FNDC3A: variants seen among roughly 807,000 people sequenced by gnomAD.
The protein encoded by FNDC3A is fibronectin type III domain containing 3A.
FNDC3A carries 32 observed loss-of-function variants against 148.9 expected under a neutral mutation model. The ratio of observed to expected loss-of-function variants is 0.21; its 90% confidence interval spans 0.16 to 0.29. FNDC3A has a LOEUF of 0.29. FNDC3A is among the 10% of genes least tolerant of loss of function. The pLI, the probability that FNDC3A is intolerant of heterozygous loss-of-function variation, is 1.00. For missense variants in FNDC3A, 1,191 were observed against 1,452.8 expected, an observed-to-expected ratio of 0.82 and a Z score of 2.93; for synonymous variants, 472 against 473.6, an observed-to-expected ratio of 1.00 and a Z score of 0.04.
At chr13:49,149,750 A>G (rs573254161) in intron 8 of FNDC3A, among the ~76,000 whole-genome samples, 1 of 152,262 alleles carries the variant, frequency 6.6e-6, no homozygotes, top group South Asian at 2.1e-4. Context: ...TGTTTTTGGA[A>G]TAGTTTGAGG....
intron 2 of FNDC3A, chr13:49,045,693 C>T: frequency 2.6e-6 from 3 of 1,152,256 alleles, no homozygotes; most frequent in South Asian, 2.9e-5. Context: ...AACAACTTTG[C>T]CACCAATAGC....
chr13:49,147,667 CTT>C (rs1199413968), intron 8 of FNDC3A, among the ~76,000 whole-genome samples: 1 of 152,030 alleles, frequency 6.6e-6, no homozygotes, highest in African/African-American at 2.4e-5. Context: ...TATTTTTGCT[CTT>C]GTCAATAGTG....
chr13:49,055,853 C>T (rs942147279), intron 2 of FNDC3A, among the ~76,000 whole-genome samples: 9 of 152,002 alleles, frequency 5.9e-5, no homozygotes, highest in African/African-American at 2.2e-4. Context: ...TGTCATGGGC[C>T]ACTAGTTACT....
At chr13:49,101,026 CAGGTTGATTA>C (rs1433468494) in intron 3 of FNDC3A, among the ~76,000 whole-genome samples, 1 of 152,078 alleles carries the variant, frequency 6.6e-6, no homozygotes, top group Non-Finnish European at 1.5e-5. Flanking sequence ...GTGAGATATG[CAGGTTGATTA>C]AGGCCTCTGA....
At chr13:49,031,122 C>A (rs989106131) in intron 2 of FNDC3A, among the ~76,000 whole-genome samples, 1 of 152,180 alleles carries the variant, frequency 6.6e-6, no homozygotes, top group Non-Finnish European at 1.5e-5. Context: ...TGCAATGGCT[C>A]ATGCCTGTAA....
At chr13:49,078,487 G>A (rs1464049399) in intron 3 of FNDC3A, among the ~76,000 whole-genome samples, 2 of 152,120 alleles carry the variant, frequency 1.3e-5, no homozygotes, top group Non-Finnish European at 2.9e-5. Context: ...AAATTATTGG[G>A]TAGAGGTTTT....
At chr13:49,011,425 G>A (rs988092379) in intron 2 of FNDC3A, among the ~76,000 whole-genome samples, 1 of 152,020 alleles carries the variant, frequency 6.6e-6, no homozygotes, top group African/African-American at 2.4e-5. Flanking sequence ...GTAGAGATGG[G>A]GTTTTGCCAT....
chr13:49,209,443 T>C lies in FNDC3A; in HGVS notation c.*2048T>C, dbSNP rs184888601. The C allele has an allele frequency of 3.3e-5, 5 of 152,716 alleles. No homozygotes were observed. The highest frequency in any genetic ancestry group is 1.3e-4 in the Admixed American group (2 of 15,292). 9.5% of individuals were successfully genotyped at this position (152,716 alleles called of 1,614,324 possible). ...CAAAAACTCTAAACTTTTTAAAGAT[T>C]ATAGATACACTACCAAACATATCAC... On this transcript the variant is annotated 3_prime_UTR_variant, in exon 26 of 26. Transcript: ENST00000492622.
chr13:49,198,599 A>C lies in FNDC3A; in HGVS notation c.2987+25A>C, dbSNP rs771965112. The C allele has an allele frequency of 1.0e-5, 16 of 1,550,830 alleles. No homozygotes were observed. The Admixed American group carries it at 2.0e-4, about 19-fold the overall frequency. On this transcript the variant is annotated intron_variant, in intron 23 of 25. Transcript: ENST00000492622. The stretch of plus-strand genomic sequence containing the variant: ...GGTAGGTTTTTTTAATTGCTTCTTT[A>C]TATAGTTTCTTAGGTCTTAAGTATA...
rs191931744 is a variant in FNDC3A, at chr13:49,082,890, A to G, written c.175+7526A>G. Reference sequence around the variant, plus strand: ...ATGAGGCAGTCACTGACGCAATGCAATGATCCAGCATGGGGAATCAGAGCT... The same window carrying G: ...ATGAGGCAGTCACTGACGCAATGCAGTGATCCAGCATGGGGAATCAGAGCT... On this transcript the variant is annotated intron_variant, in intron 3 of 25. Transcript: ENST00000492622. Among the ~76,000 whole-genome samples the G allele has an allele frequency of 7.9e-5, 12 of 152,244 alleles. No homozygotes were observed. The East Asian group carries it at 9.7e-4, about 12-fold the overall frequency.
chr13:48,984,387 A>G (rs1464619938), intron 1 of FNDC3A, among the ~76,000 whole-genome samples: 1 of 152,238 alleles, frequency 6.6e-6, no homozygotes, highest in Non-Finnish European at 1.5e-5. Context: ...TTCAAAAAGA[A>G]GTATAATAAA....
chr13:49,094,285 C>T (rs1174856280), intron 3 of FNDC3A, among the ~76,000 whole-genome samples: 1 of 152,028 alleles, frequency 6.6e-6, no homozygotes, highest in African/African-American at 2.4e-5. Flanking sequence ...CACAGAGTGT[C>T]CTTGTAAAAT....
chr13:49,130,468 A>C (rs2137922246), intron 4 of FNDC3A, among the ~76,000 whole-genome samples: 1 of 150,930 alleles, frequency 6.6e-6, no homozygotes, highest in Admixed American at 6.6e-5. Context: ...GTTTTCCCCT[A>C]CTCCTAGTCA....
rs1882375899 is a variant in FNDC3A, at chr13:49,136,583, G to A, written c.742G>A (p.Val248Ile). Residue 248 changes from valine to isoleucine, a missense_variant, in exon 6 of 26, where the codon GTT becomes ATT. Val to Ile is a conservative substitution (Grantham distance 29, BLOSUM62 3). Transcript: ENST00000492622. ...TGGGAAGGGGAAAGGTGGTACACAA[G>A]TTGATACAGAAATTGAAGGTAACTG... ...KSGKGKGGTQ[V>I]DTEIEEKDEE... The A allele has an allele frequency of 2.5e-6, 4 of 1,612,468 alleles. No individual in the cohort carries two copies. The Admixed American group carries it at 6.7e-5, about 27-fold the overall frequency.
intron 2 of FNDC3A, among the ~76,000 whole-genome samples, chr13:49,071,783 G>A (rs1479407415): frequency 6.7e-6 from 1 of 148,720 alleles, no homozygotes; most frequent in African/African-American, 2.5e-5. Context: ...AGTTATTAAT[G>A]CCCTGCCAGA....
At chr13:49,144,296 C>G (rs1882870209) in intron 7 of FNDC3A, among the ~76,000 whole-genome samples, 1 of 151,804 alleles carries the variant, frequency 6.6e-6, no homozygotes, top group African/African-American at 2.4e-5. Context: ...AACACAGTAC[C>G]AAGACTTTAA....
At chr13:48,993,648 G>T (rs1269008712) in intron 1 of FNDC3A, among the ~76,000 whole-genome samples, 10 of 152,098 alleles carry the variant, frequency 6.6e-5, no homozygotes, top group Non-Finnish European at 1.3e-4. Flanking sequence ...AAAGTGTTTA[G>T]GGGTGAAGTA....
At chr13:49,045,592 TAAATG>T in intron 2 of FNDC3A, 1 of 476,326 alleles carries the variant, frequency 2.1e-6, no homozygotes, top group South Asian at 3.9e-5. Flanking sequence ...CATACTCTCT[TAAATG>T]AGAAGGCAAC....
chr13:48,975,844 G>GTCCCGGCCGCGGGC (rs1296213927), upstream of FNDC3A: 12 of 151,572 alleles, frequency 7.9e-5, no homozygotes, highest in African/African-American at 2.7e-4. Flanking sequence ...GGGGTTCGGG[G>GTCCCGGCCGCGGGC]TCCCGGCCGC....
Sources: allele counts gnomAD v4.1 joint callset (sites outside exome capture counted in the v4.1 genomes callset), GRCh38; gene constraint gnomAD v4.1.1; transcripts MANE v1.5; gene names NCBI Gene and HGNC (gene_info 2026-07-23, HGNC 2026-07-21).